Variants in FRK observed in about 807,000 individuals in gnomAD.
The protein encoded by FRK is tyrosine-protein kinase FRK.
FRK carries 51 observed loss-of-function variants against 56.4 expected under a neutral mutation model. The observed-to-expected ratio is 0.90, with a 90% CI of 0.72 to 1.14. The LOEUF (loss-of-function observed/expected upper bound fraction) is 1.14. FRK is among the 50% of genes most tolerant of loss of function. The probability of loss-of-function intolerance (pLI) is 0.00; values close to 1 mark genes in which losing one functional copy is unlikely to be tolerated. For synonymous variants in FRK, 245 were observed against 217.9 expected (o/e 1.12, Z -1.10); for missense variants, 570 against 601.4 (o/e 0.95, Z 0.55).
At chr6:116,059,417 C>G (rs1393805661) in intron 1 of FRK, among the ~76,000 whole-genome samples, 1 of 152,106 alleles carries the variant, frequency 6.6e-6, no homozygotes, top group Non-Finnish European at 1.5e-5. Context: ...AAAAAAAAAT[C>G]TATATCATGA....
intron 2 of FRK, among the ~76,000 whole-genome samples, chr6:115,980,945 T>C (rs1447859537): frequency 6.6e-6 from 1 of 152,154 alleles, no homozygotes; most frequent in Non-Finnish European, 1.5e-5. Context: ...CTGTTCTTTT[T>C]CATTGATTTT....
intron 5 of FRK, among the ~76,000 whole-genome samples, chr6:115,948,275 G>A (rs1366490096): frequency 1.3e-5 from 2 of 152,120 alleles, no homozygotes; most frequent in Non-Finnish European, 2.9e-5. Context: ...AGGAGGAAGC[G>A]ACACCTGCCA....
chr6:116,068,473 G>A, the FRK span, among the ~76,000 whole-genome samples: 56,843 of 151,742 alleles, frequency 0.37, 11,036 homozygotes, highest in Middle Eastern at 0.49. Flanking sequence ...TAATTACTTC[G>A]GAACTTAGAA....
At chr6:116,021,165 C>G (rs917785618) in intron 1 of FRK, among the ~76,000 whole-genome samples, 2 of 150,294 alleles carry the variant, frequency 1.3e-5, no homozygotes, top group African/African-American at 4.9e-5. Context: ...TTTATGGAGG[C>G]CTATTATGCA....
chr6:115,935,865 C>T lies in FRK; in HGVS notation c.*6549G>A, dbSNP rs1374085272. On this transcript the variant is annotated 3_prime_UTR_variant, in exon 8 of 8. Coordinates refer to ENST00000606080, the MANE Select transcript of FRK (RefSeq NM_002031.3). ...AGTCAGGGACTAATAGATAAAACCC[C>T]ATCTCCCTGGGACAGAGCACCTGTG... 2 of 152,376 alleles carry T rather than the reference C, an allele frequency of 1.3e-5. No homozygotes were observed. Among genetic ancestry groups the T allele is most frequent in the East Asian group, 3.9e-4 (2 of 5,176 alleles). The allele number at this position is 152,376 out of a possible 1,614,324, so 9.4% of individuals were successfully genotyped here.
rs979929906 is a variant in FRK at position 115,959,704 on chromosome 6, T to C, written c.800-3094A>G. The stretch of plus-strand genomic sequence containing the variant: ...ACATTTATTAAGAACTTGCTGCATA[T>C]ACTTTACGTATATTGACTCCATTTG... On this transcript the variant is annotated intron_variant, in intron 4 of 7. Transcript: ENST00000606080. Among the ~76,000 whole-genome samples, 4 of 152,332 alleles carry C rather than the reference T, an allele frequency of 2.6e-5. 1 individual carries two copies. The highest frequency in any genetic ancestry group is 2.4e-5 in the African/African-American group (1 of 41,576).
At chr6:115,942,902 G>T (rs17077409) in intron 7 of FRK, 118 bp downstream of exon 7, 1 of 979,130 alleles carries the variant, frequency 1.0e-6, no homozygotes, top group Non-Finnish European at 1.5e-6. Flanking sequence ...TCAAGCTCCC[G>T]CAGGTATGGT....
intron 2 of FRK, among the ~76,000 whole-genome samples, chr6:115,990,643 T>C (rs75424972): frequency 0.014 from 2,061 of 151,966 alleles, 42 homozygotes; most frequent in African/African-American, 0.046. Context: ...TGCCTACTTT[T>C]GTACCATTAC....
At chr6:116,063,053 T>TTTA (rs1301218359), upstream of FRK, among the ~76,000 whole-genome samples, 4 of 152,234 alleles carry the variant, frequency 2.6e-5, no homozygotes, top group South Asian at 6.2e-4. Flanking sequence ...TTCATAATAG[T>TTTA]TTATAGAGTA....
chr6:115,945,696 C>T (rs1772414680), intron 5 of FRK, among the ~76,000 whole-genome samples: 1 of 152,044 alleles, frequency 6.6e-6, no homozygotes, highest in Non-Finnish European at 1.5e-5. Context: ...AAAGGTCTAT[C>T]CATAGTTATA....
At chr6:116,059,692 T>G (rs1383203103) in intron 1 of FRK, among the ~76,000 whole-genome samples, 1 of 152,230 alleles carries the variant, frequency 6.6e-6, no homozygotes, top group Admixed American at 6.5e-5. Flanking sequence ...AAAGAGAAGG[T>G]ACAGTATTAA....
chr6:116,074,384 T>C, the FRK span, among the ~76,000 whole-genome samples: 1 of 152,176 alleles, frequency 6.6e-6, no homozygotes, highest in Non-Finnish European at 1.5e-5. Context: ...ACCCAAATGG[T>C]TGGTCACCCT....
intron 1 of FRK, among the ~76,000 whole-genome samples, chr6:116,027,518 C>T (rs1477229331): frequency 1.3e-5 from 2 of 151,876 alleles, no homozygotes; most frequent in African/African-American, 4.8e-5. Context: ...AAACTAGGCA[C>T]AACAATGTAA....
Position 116,060,428 on chromosome 6 carries a change from G to A in FRK, c.-117C>T, listed in dbSNP as rs1012789229. 5 of 757,774 alleles carry A rather than the reference G, an allele frequency of 6.6e-6. No homozygotes were observed. Among genetic ancestry groups the A allele is most frequent in the Non-Finnish European group, 1.1e-5 (5 of 466,162 alleles). 46.9% of individuals were successfully genotyped at this position (757,774 alleles called of 1,614,324 possible). Reference sequence around the variant, plus strand: ...AGTCAGCACCAACTCACCATACTTCGGAGAGTATGCAAAGTCCCGTTTCAG... The same window carrying A: ...AGTCAGCACCAACTCACCATACTTCAGAGAGTATGCAAAGTCCCGTTTCAG... On this transcript the variant is annotated 5_prime_UTR_variant, in exon 1 of 8. Transcript: ENST00000606080.
At chr6:116,048,197 G>C (rs1044686422) in intron 1 of FRK, among the ~76,000 whole-genome samples, 31 of 152,136 alleles carry the variant, frequency 2.0e-4, no homozygotes, top group African/African-American at 7.5e-4. Flanking sequence ...TCTTTGCCTT[G>C]ACTTTTGTGT....
chr6:116,099,249 A>T, the FRK span, among the ~76,000 whole-genome samples: 77 of 152,344 alleles, frequency 5.1e-4, no homozygotes, highest in African/African-American at 1.8e-3. Context: ...ACAAAAAACA[A>T]TCCTTTTATA....
chr6:116,084,765 A>G, the FRK span, among the ~76,000 whole-genome samples: 12 of 152,218 alleles, frequency 7.9e-5, no homozygotes, highest in Non-Finnish European at 1.5e-4. Flanking sequence ...GGAAAGGAAT[A>G]ATTATGCCTA....
At chr6:116,087,046 G>T in the FRK span, among the ~76,000 whole-genome samples, 2 of 152,226 alleles carry the variant, frequency 1.3e-5, no homozygotes, top group East Asian at 3.8e-4. Flanking sequence ...AATCAAGGGA[G>T]AAAAAATATT....
chr6:116,094,750 A>T, the FRK span, among the ~76,000 whole-genome samples: 2 of 152,232 alleles, frequency 1.3e-5, no homozygotes, highest in Non-Finnish European at 2.9e-5. Context: ...AAAGAGAGAA[A>T]GAGACAGAAA....
Sources: gnomAD v4.1 joint callset for allele counts (sites outside exome capture counted in the v4.1 genomes callset) on GRCh38, gnomAD v4.1.1 for gene constraint, MANE v1.5 for transcripts, NCBI Gene and HGNC (gene_info 2026-07-23, HGNC 2026-07-21) for gene names.